TTBK2: variants seen among roughly 807,000 people sequenced by gnomAD.
TTBK2 encodes tau-tubulin kinase 2.
A neutral mutation model predicts 110.8 loss-of-function variants in TTBK2; 28 were observed. That is an observed-to-expected ratio of 0.25 (90% CI 0.19 to 0.35). The LOEUF (loss-of-function observed/expected upper bound fraction) is 0.35, where lower values mean the gene tolerates loss of function less well. TTBK2 is among the 10% of genes least tolerant of loss of function. The pLI, the probability that TTBK2 is intolerant of heterozygous loss-of-function variation, is 1.00. For missense variants in TTBK2, 1,369 were observed against 1,500.3 expected, an observed-to-expected ratio of 0.91 and a Z score of 1.45; for synonymous variants, 532 against 527.3, an observed-to-expected ratio of 1.01 and a Z score of -0.12.
intron 4 of TTBK2, among the ~76,000 whole-genome samples, chr15:42,831,499 C>T (rs1416238684): frequency 2.0e-5 from 3 of 152,144 alleles, no homozygotes; most frequent in Admixed American, 6.5e-5. Flanking sequence ...ATACATCCAG[C>T]GTCTGCCATT....
intron 13 of TTBK2, among the ~76,000 whole-genome samples, chr15:42,773,762 G>A (rs1333264372): frequency 6.6e-6 from 1 of 152,186 alleles, no homozygotes; most frequent in Non-Finnish European, 1.5e-5. Flanking sequence ...AAGGTGGAAA[G>A]AGTGGATGAA....
chr15:42,889,305 C>G (rs1895363123), intron 1 of TTBK2, among the ~76,000 whole-genome samples: 1 of 152,202 alleles, frequency 6.6e-6, no homozygotes, highest in African/African-American at 2.4e-5. Context: ...GATACTTTAA[C>G]TGGATGGATA....
chr15:42,801,394 G>A (rs779536851), intron 9 of TTBK2: 30 of 1,263,024 alleles, frequency 2.4e-5, no homozygotes, highest in Middle Eastern at 1.9e-4. Context: ...AGCTCCCCAC[G>A]CTGCTCGGTA....
intron 13 of TTBK2, among the ~76,000 whole-genome samples, chr15:42,759,382 T>C (rs999976337): frequency 6.6e-6 from 1 of 152,176 alleles, no homozygotes; most frequent in African/African-American, 2.4e-5. Flanking sequence ...AGCGGCTGCA[T>C]ACCTGCGCCT....
At chr15:42,827,600 T>C in intron 6 of TTBK2, among the ~76,000 whole-genome samples, 1 of 152,152 alleles carries the variant, frequency 6.6e-6, no homozygotes, top group East Asian at 1.9e-4. Flanking sequence ...GAAGTGGATA[T>C]TTGGGAGTGG....
At chr15:42,854,183 C>G (rs1194576216) in intron 3 of TTBK2, among the ~76,000 whole-genome samples, 1 of 152,196 alleles carries the variant, frequency 6.6e-6, no homozygotes, top group African/African-American at 2.4e-5. Context: ...AAGTGATCCT[C>G]CTGCCTTGGC....
intron 6 of TTBK2, among the ~76,000 whole-genome samples, chr15:42,824,245 T>C (rs1415262191): frequency 6.6e-6 from 1 of 152,162 alleles, no homozygotes; most frequent in Non-Finnish European, 1.5e-5. Flanking sequence ...GGGACAAATA[T>C]TCAAACTATA....
chr15:42,846,041 T>C (rs1283725363), intron 3 of TTBK2, among the ~76,000 whole-genome samples: 3 of 152,088 alleles, frequency 2.0e-5, no homozygotes, highest in African/African-American at 7.2e-5. Flanking sequence ...TGACTATATA[T>C]AATCTCTAGA....
chr15:42,849,236 C>A (rs1210150743), intron 3 of TTBK2, among the ~76,000 whole-genome samples: 1 of 151,892 alleles, frequency 6.6e-6, no homozygotes, highest in African/African-American at 2.4e-5. Flanking sequence ...AATCTTTCAT[C>A]TATCATGTCC....
At chr15:42,852,760 C>T (rs1893771490) in intron 3 of TTBK2, among the ~76,000 whole-genome samples, 1 of 152,144 alleles carries the variant, frequency 6.6e-6, no homozygotes, top group African/African-American at 2.4e-5. Context: ...ACGTATTCAA[C>T]AGATAGTTCT....
chr15:42,775,061 G>T, intron 13 of TTBK2, 74 bp downstream of exon 13: 1 of 1,505,842 alleles, frequency 6.6e-7, no homozygotes, highest in Non-Finnish European at 9.1e-7. Flanking sequence ...TATCTTAGTT[G>T]ATCAACTGTT....
chr15:42,889,177 C>T (rs1206577873), intron 1 of TTBK2, among the ~76,000 whole-genome samples: 1 of 152,142 alleles, frequency 6.6e-6, no homozygotes, highest in Admixed American at 6.5e-5. Flanking sequence ...AGGAATTATT[C>T]AGGCCCCCTC....
intron 10 of TTBK2, 149 bp from the exon 11 acceptor site, chr15:42,783,784 G>A (rs577613596): frequency 2.2e-5 from 16 of 715,352 alleles, no homozygotes; most frequent in East Asian, 5.4e-5. Context: ...TAGGTTGGCC[G>A]GGCATGGTGG....
intron 6 of TTBK2, among the ~76,000 whole-genome samples, chr15:42,818,923 A>C (rs1291897149): frequency 3.0e-5 from 4 of 135,412 alleles, no homozygotes; most frequent in African/African-American, 7.9e-5. Flanking sequence ...ACTCCGTCTC[A>C]AAAAAAAAAA....
chr15:42,909,736 T>C (rs1382528199), intron 1 of TTBK2, among the ~76,000 whole-genome samples: 4 of 152,150 alleles, frequency 2.6e-5, no homozygotes, highest in Non-Finnish European at 5.9e-5. Flanking sequence ...ATATGAGCCC[T>C]TTTACATAAA....
At chr15:42,911,250 T>C (rs1276287443) in intron 1 of TTBK2, among the ~76,000 whole-genome samples, 1 of 152,182 alleles carries the variant, frequency 6.6e-6, no homozygotes, top group Non-Finnish European at 1.5e-5. Context: ...CGTACATACA[T>C]TCCTTTGCAA....
At chr15:42,817,493 T>G (rs2140949318) in intron 6 of TTBK2, among the ~76,000 whole-genome samples, 1 of 152,334 alleles carries the variant, frequency 6.6e-6, no homozygotes, top group Non-Finnish European at 1.5e-5. Flanking sequence ...GAGGAATCAC[T>G]AAGTAAACCT....
At position 42,817,047 on chromosome 15, in the gene TTBK2, G is replaced by A. The variant is rs531094726; in HGVS notation, c.588C>T (p.Asn196=). Reference sequence around the variant, plus strand: ...AGATACCTACCCTGTTCCGATGTGCGTTGATTGATGCATAACGAACTGTCC... The same window carrying A: ...AGATACCTACCCTGTTCCGATGTGCATTGATTGATGCATAACGAACTGTCC... ...FRGTVRYASI[N]AHRNREMGRH... is the part of the protein sequence containing the mutation. Residue 196 remains asparagine (N), a synonymous_variant, in exon 7 of 15, where the codon AAC becomes AAT. Coordinates refer to ENST00000267890, the MANE Select transcript of TTBK2 (RefSeq NM_173500.4). The A allele has an allele frequency of 1.6e-5, 26 of 1,604,962 alleles. No homozygotes were observed. Among genetic ancestry groups the A allele is most frequent in the African/African-American group, 1.3e-4 (10 of 74,566 alleles).
intron 3 of TTBK2, among the ~76,000 whole-genome samples, chr15:42,850,983 T>C (rs1334864224): frequency 6.6e-6 from 1 of 151,782 alleles, no homozygotes. Flanking sequence ...CCCAACACTT[T>C]GGGAGGCTGA....
Sources: allele counts gnomAD v4.1 joint callset (sites outside exome capture counted in the v4.1 genomes callset), GRCh38; gene constraint gnomAD v4.1.1; transcripts MANE v1.5; gene names NCBI Gene and HGNC (gene_info 2026-07-23, HGNC 2026-07-21).